The following KIAA1328 variants were observed in gnomAD, a reference collection of about 807,000 sequenced individuals.
KIAA1328 encodes KIAA1328, also known as protein hinderin.
A neutral mutation model predicts 68.1 loss-of-function variants in KIAA1328; 52 were observed. The ratio of observed to expected loss-of-function variants is 0.76; its 90% CI spans 0.61 to 0.96. The LOEUF is 0.96. Ranked by LOEUF, KIAA1328 falls within the 40% of genes least tolerant of loss-of-function variation. KIAA1328 has a pLI of 0.00. For synonymous variants in KIAA1328, 232 were observed against 239.4 expected, an observed-to-expected ratio of 0.97 and a Z score of 0.28; for missense variants, 641 against 677.6, an observed-to-expected ratio of 0.95 and a Z score of 0.60.
chr18:36,884,654 C>T (rs185675371), intron 4 of KIAA1328, among the ~76,000 whole-genome samples: 1 of 152,162 alleles, frequency 6.6e-6, no homozygotes, highest in African/African-American at 2.4e-5. Context: ...GTTTAGATTC[C>T]CTGTGGGTTT....
chr18:36,952,084 A>C (rs1010818503), intron 5 of KIAA1328, among the ~76,000 whole-genome samples: 2 of 152,210 alleles, frequency 1.3e-5, no homozygotes, highest in African/African-American at 4.8e-5. Flanking sequence ...ACTCAGGACC[A>C]GTTAACCATC....
At chr18:37,198,408 T>C (rs763128957) in intron 9 of KIAA1328, among the ~76,000 whole-genome samples, 1 of 152,184 alleles carries the variant, frequency 6.6e-6, no homozygotes, top group African/African-American at 2.4e-5. Context: ...TGCAGTGTCA[T>C]TATGTAAGAT....
chr18:36,885,480 T>C, intron 4 of KIAA1328, 77 bp from the exon 5 acceptor site: 1 of 776,004 alleles, frequency 1.3e-6, no homozygotes, highest in Non-Finnish European at 2.0e-6. Flanking sequence ...AGAAGTCTGG[T>C]TTTGTAAACT....
chr18:37,165,945 A>G (rs1342986381), intron 8 of KIAA1328, among the ~76,000 whole-genome samples: 1 of 151,874 alleles, frequency 6.6e-6, no homozygotes, highest in Non-Finnish European at 1.5e-5. Flanking sequence ...AATTTCATCA[A>G]ATCTTTTTTT....
intron 6 of KIAA1328, among the ~76,000 whole-genome samples, chr18:37,023,973 A>G (rs2054453837): frequency 6.6e-6 from 1 of 152,024 alleles, no homozygotes; most frequent in Non-Finnish European, 1.5e-5. Flanking sequence ...TTTTACCCTC[A>G]AGTAAGTCCT....
At chr18:37,152,779 AGG>A (rs1491445632) in intron 7 of KIAA1328, among the ~76,000 whole-genome samples, 17 of 152,198 alleles carry the variant, frequency 1.1e-4, no homozygotes, top group African/African-American at 4.1e-4. Flanking sequence ...GCAGTTAGAG[AGG>A]GTAAGAGAGT....
chr18:37,207,986 T>C (rs1003939154), intron 9 of KIAA1328, among the ~76,000 whole-genome samples: 1 of 152,124 alleles, frequency 6.6e-6, no homozygotes, highest in Non-Finnish European at 1.5e-5. Flanking sequence ...ATTCTGTATT[T>C]GCAGTAGAGA....
At chr18:36,877,318 A>C (rs75748781) in intron 4 of KIAA1328, among the ~76,000 whole-genome samples, 2 of 151,984 alleles carry the variant, frequency 1.3e-5, no homozygotes, top group African/African-American at 4.8e-5. Flanking sequence ...AGTCTCTTTG[A>C]AGGTCTCTAA....
chr18:37,099,463 T>C (rs1405302357), intron 7 of KIAA1328, among the ~76,000 whole-genome samples: 1 of 152,212 alleles, frequency 6.6e-6, no homozygotes, highest in African/African-American at 2.4e-5. Context: ...TTTCTGATCT[T>C]TTACATTTGC....
chr18:37,102,167 G>A (rs1296159471), intron 7 of KIAA1328, among the ~76,000 whole-genome samples: 2 of 152,154 alleles, frequency 1.3e-5, no homozygotes, highest in Non-Finnish European at 2.9e-5. Flanking sequence ...TGATCAAGTG[G>A]GGTTTATGCC....
At chr18:37,052,017 A>G (rs1161374575) in intron 6 of KIAA1328, among the ~76,000 whole-genome samples, 1 of 151,158 alleles carries the variant, frequency 6.6e-6, no homozygotes, top group Non-Finnish European at 1.5e-5. Flanking sequence ...ACTTTGGCCT[A>G]GGTGACACAG....
intron 4 of KIAA1328, among the ~76,000 whole-genome samples, chr18:36,848,714 T>C (rs1473042450): frequency 1.3e-5 from 2 of 151,368 alleles, no homozygotes. Flanking sequence ...CTTTATCAAA[T>C]TGAGAAAATT....
chr18:36,959,622 G>A (rs781608884), intron 6 of KIAA1328, among the ~76,000 whole-genome samples, 187 bp downstream of exon 6: 7 of 152,106 alleles, frequency 4.6e-5, no homozygotes, highest in African/African-American at 7.2e-5. Flanking sequence ...TGGACCCAAA[G>A]GTAAGGAATG....
intron 4 of KIAA1328, among the ~76,000 whole-genome samples, chr18:36,875,117 T>C (rs955657334): frequency 1.3e-5 from 2 of 152,222 alleles, no homozygotes; most frequent in African/African-American, 4.8e-5. Context: ...TGCCTTCAGC[T>C]TTGTTCTTTT....
chr18:37,109,462 A>T (rs1475010274), intron 7 of KIAA1328, among the ~76,000 whole-genome samples: 1 of 152,174 alleles, frequency 6.6e-6, no homozygotes, highest in African/African-American at 2.4e-5. Context: ...TTTTTCAATC[A>T]TATTTGTTAT....
chr18:36,879,959 G>C (rs533417591), intron 4 of KIAA1328, among the ~76,000 whole-genome samples: 1 of 152,310 alleles, frequency 6.6e-6, no homozygotes, highest in South Asian at 2.1e-4. Flanking sequence ...ATCTTAGCTT[G>C]TTGGGCTCTG....
intron 6 of KIAA1328, among the ~76,000 whole-genome samples, chr18:37,056,653 C>A (rs1423404365): frequency 6.6e-6 from 1 of 151,868 alleles, no homozygotes; most frequent in Non-Finnish European, 1.5e-5. Context: ...AAGACAAATC[C>A]TTTTCTCTTT....
At chr18:37,057,594 A>ATTT (rs111768411) in intron 6 of KIAA1328, among the ~76,000 whole-genome samples, 88 of 142,706 alleles carry the variant, frequency 6.2e-4, no homozygotes, top group Middle Eastern at 7.3e-3. Context: ...CATCTGGCTA[A>ATTT]TTTTTTTTTT....
At chr18:36,907,897 C>T (rs940390608) in intron 5 of KIAA1328, among the ~76,000 whole-genome samples, 11 of 152,110 alleles carry the variant, frequency 7.2e-5, no homozygotes, top group African/African-American at 2.7e-4. Flanking sequence ...TTTCCCCTTT[C>T]TAATGGAAGC....
Sources: allele counts gnomAD v4.1 joint callset (sites outside exome capture counted in the v4.1 genomes callset), GRCh38; gene constraint gnomAD v4.1.1; transcripts MANE v1.5; gene names NCBI Gene and HGNC (gene_info 2026-07-23, HGNC 2026-07-21).